Variants in USP45 observed in about 807,000 individuals in gnomAD.
USP45 encodes ubiquitin specific peptidase 45.
Under a neutral mutation model 95.8 loss-of-function variants are expected in USP45, and 89 were observed. The ratio of observed to expected loss-of-function variants is 0.93; its 90% CI spans 0.78 to 1.11. The LOEUF is 1.11. USP45 is among the 50% of genes least tolerant of loss of function. USP45 has a pLI of 0.00. For missense variants in USP45, 898 were observed against 942.5 expected (o/e 0.95, Z 0.62); for synonymous variants, 281 against 316.2 (o/e 0.89, Z 1.18).
chr6:99,476,373 C>T, intron 8 of USP45, 143 bp from the exon 9 acceptor site: 1 of 746,400 alleles, frequency 1.3e-6, no homozygotes, highest in Non-Finnish European at 2.1e-6. Flanking sequence ...TTTGGGAGGC[C>T]AAGGGGCAGA....
chr6:99,454,313 A>G (rs1784530635), intron 13 of USP45, among the ~76,000 whole-genome samples: 1 of 152,204 alleles, frequency 6.6e-6, no homozygotes, highest in Non-Finnish European at 1.5e-5. Flanking sequence ...AATCAACTCA[A>G]GATAGATAAA....
chr6:99,462,499 C>A (rs766034443), intron 13 of USP45: 1 of 985,052 alleles, frequency 1.0e-6, no homozygotes, highest in South Asian at 4.7e-5. Context: ...AATAGCAACA[C>A]AATTAATGCT....
intron 1 of USP45, among the ~76,000 whole-genome samples, chr6:99,514,345 G>A (rs909642682): frequency 1.3e-5 from 2 of 152,082 alleles, no homozygotes; most frequent in Non-Finnish European, 2.9e-5. Flanking sequence ...TTGGTGTCCC[G>A]GATTTTTACA....
At chr6:99,486,947 A>T (rs534884675) in intron 7 of USP45, among the ~76,000 whole-genome samples, 1 of 152,166 alleles carries the variant, frequency 6.6e-6, no homozygotes, top group South Asian at 2.1e-4. Context: ...TCGTTGAACT[A>T]GGTGGGTTTA....
intron 9 of USP45, 95 bp downstream of exon 9, chr6:99,476,048 C>T: frequency 8.8e-7 from 1 of 1,137,592 alleles, no homozygotes; most frequent in Non-Finnish European, 1.3e-6. Context: ...AACTCCTGAC[C>T]TCAGATGATC....
intron 7 of USP45, among the ~76,000 whole-genome samples, chr6:99,485,577 T>TG (rs1002213281): frequency 1.2e-4 from 19 of 152,114 alleles, no homozygotes; most frequent in Middle Eastern, 3.4e-3. Flanking sequence ...GTAGTGAATG[T>TG]GGGGGGGAGT....
At position 99,479,988 on chromosome 6, in the gene USP45, T is replaced by C. The variant is rs559822084; in HGVS notation, c.845+2765A>G. ...CAATCTTCATTTGCCAATGACATTG[T>C]CTACATAGGAAATACCAACGAATCA... On this transcript the variant is annotated intron_variant, in intron 8 of 17. Coordinates refer to ENST00000500704, the MANE Select transcript of USP45 (RefSeq NM_001346022.3). 8.5e-5 allele frequency among the ~76,000 whole-genome samples: 13 copies of C among 152,320 alleles called. No homozygotes were observed. The East Asian group carries it at 2.5e-3, about 29-fold the overall frequency.
chr6:99,507,655 AGTTTC>A, intron 3 of USP45, 124 bp from the exon 4 acceptor site: 2 of 637,498 alleles, frequency 3.1e-6, no homozygotes, highest in African/African-American at 1.8e-5. Context: ...CAGAGGAGAA[AGTTTC>A]AAAAAAGTAA....
At chr6:99,499,418 A>G (rs150801865) in intron 5 of USP45, among the ~76,000 whole-genome samples, 2 of 152,184 alleles carry the variant, frequency 1.3e-5, no homozygotes, top group African/African-American at 4.8e-5. Context: ...TTGATTTTCC[A>G]AATATTTTAT....
rs760476818 is a variant in USP45 at position 99,439,827 on chromosome 6, C to CT, written c.2101dup (p.Arg701LysfsTer20). On this transcript the variant is annotated frameshift_variant, in exon 16 of 18. Transcript: ENST00000500704. LOFTEE classifies it high-confidence loss of function. ...GAGCATAAGTGGAAAATCTACATGT[C>CT]TGTTTACTTTACGAAGACTCAAGCC... The CT allele has an allele frequency of 1.9e-6, 3 of 1,607,148 alleles. 1 individual carries two copies. The South Asian group carries it at 3.3e-5, about 18-fold the overall frequency.
At chr6:99,479,750 T>C (rs527261508) in intron 8 of USP45, among the ~76,000 whole-genome samples, 1 of 152,306 alleles carries the variant, frequency 6.6e-6, no homozygotes, top group East Asian at 1.9e-4. Context: ...AACTCTATAG[T>C]TATTATCACA....
At chr6:99,517,387 G>T (rs190081813), upstream of USP45, among the ~76,000 whole-genome samples, 71 of 152,126 alleles carry the variant, frequency 4.7e-4, 1 homozygote, top group African/African-American at 1.4e-3. Flanking sequence ...TTGTTAAGCT[G>T]TAGGCTATAT....
At chr6:99,478,966 C>T (rs780834715) in intron 8 of USP45, among the ~76,000 whole-genome samples, 55 of 150,872 alleles carry the variant, frequency 3.6e-4, no homozygotes, top group Non-Finnish European at 6.0e-4. Context: ...TGTATGATTC[C>T]ATTTCTATAG....
chr6:99,461,939 A>C (rs1786548210), intron 13 of USP45: 1 of 985,270 alleles, frequency 1.0e-6, no homozygotes, highest in South Asian at 4.7e-5. Flanking sequence ...TTCCATGATT[A>C]AACTGGTTCT....
At chr6:99,461,680 ACT>A in intron 13 of USP45, 2 of 984,566 alleles carry the variant, frequency 2.0e-6, no homozygotes, top group Non-Finnish European at 2.4e-6. Context: ...TAATGAGATA[ACT>A]CATATAATTT....
intron 8 of USP45, 101 bp downstream of exon 8, chr6:99,482,652 T>C (rs912421819): frequency 8.3e-7 from 1 of 1,209,928 alleles, no homozygotes; most frequent in African/African-American, 1.5e-5. Flanking sequence ...GTCAGGGCAA[T>C]AAGAGCAAAG....
At chr6:99,457,135 A>G (rs578062070) in intron 13 of USP45, among the ~76,000 whole-genome samples, 136 of 152,344 alleles carry the variant, frequency 8.9e-4, no homozygotes, top group African/African-American at 3.2e-3. Context: ...ATAAGATGTT[A>G]TCAATGACAA....
intron 13 of USP45, among the ~76,000 whole-genome samples, chr6:99,452,267 T>C (rs559399017): frequency 6.6e-6 from 1 of 152,234 alleles, no homozygotes; most frequent in South Asian, 2.1e-4. Context: ...GAGAAAATTT[T>C]GCAACCTACT....
chr6:99,468,036 T>C, intron 10 of USP45: 1 of 410,034 alleles, frequency 2.4e-6, no homozygotes, highest in African/African-American at 2.1e-5. Context: ...CATTTGGGGC[T>C]CATATTTTTA....
Sources: gnomAD v4.1 joint callset for allele counts (sites outside exome capture counted in the v4.1 genomes callset) on GRCh38, gnomAD v4.1.1 for gene constraint, MANE v1.5 for transcripts, NCBI Gene and HGNC (gene_info 2026-07-23, HGNC 2026-07-21) for gene names.